Variants in CALHM5 observed in about 807,000 individuals in gnomAD.
CALHM5 encodes calcium homeostasis modulator protein 5.
Under a neutral mutation model 20.9 loss-of-function variants are expected in CALHM5, and 17 were observed. The observed-to-expected ratio is 0.82, with a 90% confidence interval of 0.56 to 1.22. CALHM5 has a LOEUF of 1.22. Ranked by LOEUF, CALHM5 falls within the 50% of genes most tolerant of loss-of-function variation. The pLI, the probability that CALHM5 is intolerant of heterozygous loss-of-function variation, is 0.00. For synonymous variants in CALHM5, 148 were observed against 140.0 expected (o/e 1.06, Z -0.40); for missense variants, 360 against 364.6 (o/e 0.99, Z 0.10).
chr6:116,512,326 T>C lies in CALHM5; in HGVS notation c.540+90T>C, dbSNP rs1002511331. On this transcript the variant is annotated intron_variant, in intron 1 of 1. Coordinates refer to ENST00000368599, the MANE Select transcript of CALHM5 (RefSeq NM_153711.5). ...TTCAGCCAGGGCTGTCTGTGTCCTG[T>C]CAGAATATTTTGAAACTAAATGGAA... The C allele has an allele frequency of 1.6e-5, 22 of 1,376,790 alleles. No individual in the cohort carries two copies. The African/African-American group carries it at 2.3e-4, about 15-fold the overall frequency. The allele number at this position is 1,376,790 out of a possible 1,614,324, so 85.3% of individuals were successfully genotyped here. A position where few individuals can be genotyped will look rare whatever the true frequency, so the allele number is the denominator to read the frequency against.
Position 116,516,169 on chromosome 6 carries a change from T to C in CALHM5, c.*180T>C, listed in dbSNP as rs1772221160. On this transcript the variant is annotated 3_prime_UTR_variant, in exon 2 of 2. Transcript: ENST00000368599. ...AGTGGAACATCAGGATGTGCTCAAA[T>C]TGATGCTGAGGGGTGACAAAGGTGC... 3 of 759,304 alleles carry C rather than the reference T, an allele frequency of 4.0e-6. No individual in the cohort carries two copies. The Admixed American group carries it at 1.1e-4, about 27-fold the overall frequency. The allele number at this position is 759,304 out of a possible 1,614,324, so 47.0% of individuals were successfully genotyped here.
rs202108807 is a variant in CALHM5, at chr6:116,515,782, C to G, written c.723C>G (p.Asn241Lys). 2 of 1,613,988 alleles carry G rather than the reference C, an allele frequency of 1.2e-6. No individual in the cohort carries two copies. Among genetic ancestry groups the G allele is most frequent in the Admixed American group, 1.7e-5 (1 of 59,958 alleles). The stretch of plus-strand genomic sequence containing the variant: ...ATGCCAACAAGCTGAGCGAGAGGAA[C>G]CTGAAATGTTTTTTTGAAAACAAGA... ...LDYANKLSER[N>K]LKCFFENKRP... The change falls in exon 2 of 2, where the codon AAC becomes AAG. Residue 241 changes from asparagine to lysine, a missense_variant. Transcript: ENST00000368599.
At chr6:116,515,495 G>A in intron 1 of CALHM5, 105 bp from the exon 2 acceptor site, 1 of 1,213,122 alleles carries the variant, frequency 8.2e-7, no homozygotes, top group Non-Finnish European at 1.2e-6. Context: ...AATGAGGTAT[G>A]TCAAAGACTG....
Position 116,517,163 on chromosome 6 carries a change from A to C in CALHM5, c.*1174A>C, listed in dbSNP as rs1408239729. The stretch of plus-strand genomic sequence containing the variant: ...CACCTTCATGACCCAATTACTTCTC[A>C]AGGCTCTGCTTCTTAGTACTATCAG... On this transcript the variant is annotated 3_prime_UTR_variant, in exon 2 of 2. Transcript: ENST00000368599. 1 of 152,060 alleles carries C rather than the reference A, an allele frequency of 6.6e-6. No individual in the cohort carries two copies. The highest frequency in any genetic ancestry group is 2.4e-5 in the African/African-American group (1 of 41,396). The allele number at this position is 152,060 out of a possible 1,614,324, so 9.4% of individuals were successfully genotyped here. A position where few individuals can be genotyped will look rare whatever the true frequency, so the allele number is the denominator to read the frequency against.
In CALHM5 at chr6:116,524,177, G is replaced by GAA. The variant is rs35989080; in HGVS notation, c.*8189_*8190insAA. The GAA allele has an allele frequency of 0.66, 100,782 of 151,870 alleles. 33,710 individuals carry two copies. Among genetic ancestry groups the GAA allele is most frequent in the East Asian group, 0.89 (4,631 of 5,186 alleles). The allele number at this position is 151,870 out of a possible 1,614,324, so 9.4% of individuals were successfully genotyped here. A position where few individuals can be genotyped will look rare whatever the true frequency, so the allele number is the denominator to read the frequency against. The stretch of plus-strand genomic sequence containing the variant: ...TTTCTTTAAAATACTCTAGAAAAAA[G>GAA]AGTTTAGGGAGAAAGCTGAAAGATG... On this transcript the variant is annotated 3_prime_UTR_variant, in exon 2 of 2. Coordinates refer to ENST00000368599, the MANE Select transcript of CALHM5 (RefSeq NM_153711.5).
In CALHM5 at chr6:116,524,025, G is replaced by A. The variant is rs1287490137; in HGVS notation, c.*8036G>A. 6.6e-6 allele frequency: 1 copy of A among 152,276 alleles called. No homozygotes were observed. The highest frequency in any genetic ancestry group is 2.4e-5 in the African/African-American group (1 of 41,562). 9.4% of individuals were successfully genotyped at this position (152,276 alleles called of 1,614,324 possible). ...AGGAAAATATGAATGAATATTAGAT[G>A]ATTTTTAGAGAATTATTAATTTTGC... On this transcript the variant is annotated 3_prime_UTR_variant, in exon 2 of 2. Coordinates refer to ENST00000368599, the MANE Select transcript of CALHM5 (RefSeq NM_153711.5).
rs766912247 is a variant in CALHM5, at chr6:116,511,850, C to A, written c.154C>A (p.Leu52Met). 1.2e-6 allele frequency: 2 copies of A among 1,613,952 alleles called. No homozygotes were observed. Among genetic ancestry groups the A allele is most frequent in the East Asian group, 4.5e-5 (2 of 44,896 alleles). The change falls in exon 1 of 2, where the codon CTG becomes ATG. Residue 52 changes from leucine (L) to methionine (M), a missense_variant. By Grantham distance (15) the Leu-to-Met change is conservative. Coordinates refer to ENST00000368599, the MANE Select transcript of CALHM5 (RefSeq NM_153711.5). ...CAGCACTGAGAATATGACCTATGGG[C>A]TGGTTTTCCTCTTTGCTCCTGCCTG... Reference protein sequence around the residue: ...PCSTENMTYGLVFLFAPAWVL... With the variant: ...PCSTENMTYGMVFLFAPAWVL...
In CALHM5 at chr6:116,520,072, T is replaced by A. The variant is rs960023842; in HGVS notation, c.*4083T>A. On this transcript the variant is annotated 3_prime_UTR_variant, in exon 2 of 2. Coordinates refer to ENST00000368599, the MANE Select transcript of CALHM5 (RefSeq NM_153711.5). ...TGTGTCCAAAGCAACTTTTAAAATTTTTGTATGGTTTTCTACTTGAGACCT... is the reference window on the plus strand; with the variant it reads ...TGTGTCCAAAGCAACTTTTAAAATTATTGTATGGTTTTCTACTTGAGACCT... 6.6e-6 allele frequency: 1 copy of A among 152,186 alleles called. No individual in the cohort carries two copies. The highest frequency in any genetic ancestry group is 1.5e-5 in the Non-Finnish European group (1 of 68,028). 9.4% of individuals were successfully genotyped at this position (152,186 alleles called of 1,614,324 possible).
Position 116,516,130 on chromosome 6 carries a change from C to T in CALHM5, c.*141C>T. ...CAAGACAATAACACAAAGGAAACTG[C>T]TTTGAAGCTCTCAAGTGGAACATCA... On this transcript the variant is annotated 3_prime_UTR_variant, in exon 2 of 2. Transcript: ENST00000368599. 2 of 1,127,116 alleles carry T rather than the reference C, an allele frequency of 1.8e-6. No individual in the cohort carries two copies. Among genetic ancestry groups the T allele is most frequent in the Non-Finnish European group, 2.4e-6 (2 of 832,436 alleles). 69.8% of individuals were successfully genotyped at this position (1,127,116 alleles called of 1,614,324 possible).
At chr6:116,515,508 G>T in intron 1 of CALHM5, 92 bp from the exon 2 acceptor site, 1 of 1,301,440 alleles carries the variant, frequency 7.7e-7, no homozygotes, top group Non-Finnish European at 1.1e-6. Context: ...AAAGACTGTG[G>T]TAATAATTTA....
At position 116,516,708 on chromosome 6, in the gene CALHM5, T is replaced by TATACAC. The variant is rs1198977627; in HGVS notation, c.*720_*721insTACACA. ...ATATATATATATATATATATATATA[T>TATACAC]ACACACACACAGAAATATATATTTA... On this transcript the variant is annotated 3_prime_UTR_variant, in exon 2 of 2. Transcript: ENST00000368599. 3 of 119,644 alleles carry TATACAC rather than the reference T, an allele frequency of 2.5e-5. No homozygotes were observed. The highest frequency in any genetic ancestry group is 5.1e-5 in the Non-Finnish European group (3 of 58,744). 7.4% of individuals were successfully genotyped at this position (119,644 alleles called of 1,614,324 possible). A position where few individuals can be genotyped will look rare whatever the true frequency, so the allele number is the denominator to read the frequency against.
chr6:116,520,103 G>A lies in CALHM5; in HGVS notation c.*4114G>A, dbSNP rs1419465514. 1.3e-5 allele frequency: 2 copies of A among 152,044 alleles called. No homozygotes were observed. Among genetic ancestry groups the A allele is most frequent in the African/African-American group, 2.4e-5 (1 of 41,394 alleles). The allele number at this position is 152,044 out of a possible 1,614,324, so 9.4% of individuals were successfully genotyped here. A position where few individuals can be genotyped will look rare whatever the true frequency, so the allele number is the denominator to read the frequency against. On this transcript the variant is annotated 3_prime_UTR_variant, in exon 2 of 2. Coordinates refer to ENST00000368599, the MANE Select transcript of CALHM5 (RefSeq NM_153711.5). ...TGGTTTTCTACTTGAGACCTTTAAA[G>A]CATCACTAAAAATGTATACATTTAA...
At position 116,512,147 on chromosome 6, in the gene CALHM5, G is replaced by A; in HGVS notation, c.451G>A (p.Glu151Lys). Residue 151 changes from glutamate to lysine, a missense_variant, in exon 1 of 2, where the codon GAA becomes AAA. Coordinates refer to ENST00000368599, the MANE Select transcript of CALHM5 (RefSeq NM_153711.5). ...ICKGKPKECW[E>K]ELHKVSCGKT... Reference sequence around the variant, plus strand: ...CAAGGGTAAGCCCAAAGAGTGCTGGGAAGAACTTCACAAAGTATCTTGTGG... The same window carrying A: ...CAAGGGTAAGCCCAAAGAGTGCTGGAAAGAACTTCACAAAGTATCTTGTGG... The A allele has an allele frequency of 6.2e-7, 1 of 1,613,540 alleles. No individual in the cohort carries two copies. The highest frequency in any genetic ancestry group is 8.5e-7 in the Non-Finnish European group (1 of 1,179,962).
At position 116,519,772 on chromosome 6, in the gene CALHM5, A is replaced by C. The variant is rs1180855230; in HGVS notation, c.*3783A>C. The C allele has an allele frequency of 1.3e-5, 2 of 152,204 alleles. No individual in the cohort carries two copies. Among genetic ancestry groups the C allele is most frequent in the Non-Finnish European group, 2.9e-5 (2 of 68,036 alleles). The allele number at this position is 152,204 out of a possible 1,614,324, so 9.4% of individuals were successfully genotyped here. A position where few individuals can be genotyped will look rare whatever the true frequency, so the allele number is the denominator to read the frequency against. On this transcript the variant is annotated 3_prime_UTR_variant, in exon 2 of 2. Transcript: ENST00000368599. The stretch of plus-strand genomic sequence containing the variant: ...ATACAAGGAATATACTCAAGGAAAA[A>C]TTTCATGGCACAAAATGCTGATTCT...
intron 1 of CALHM5, 77 bp from the exon 2 acceptor site, chr6:116,515,523 T>A: frequency 7.0e-7 from 1 of 1,432,346 alleles, no homozygotes; most frequent in Non-Finnish European, 9.5e-7. Context: ...AATTTAGCTA[T>A]ACACTTCTCA....
In CALHM5 at chr6:116,516,660, A is replaced by AATAT. The variant is rs57050552; in HGVS notation, c.*717_*720dup. ...TCCTACATTCAAAATAGTAGTAACAAATATATATATATATATATATATATA... is the reference window on the plus strand; with the variant it reads ...TCCTACATTCAAAATAGTAGTAACAAATATATATATATATATATATATATATATA... On this transcript the variant is annotated 3_prime_UTR_variant, in exon 2 of 2. Transcript: ENST00000368599. 2.3e-3 allele frequency: 238 copies of AATAT among 104,182 alleles called. 1 individual carries two copies. Among genetic ancestry groups the AATAT allele is most frequent in the Non-Finnish European group, 3.0e-3 (158 of 53,402 alleles). The allele number at this position is 104,182 out of a possible 1,614,324, so 6.5% of individuals were successfully genotyped here.
At chr6:116,512,732 A>G (rs1271628665) in intron 1 of CALHM5, among the ~76,000 whole-genome samples, 1 of 152,234 alleles carries the variant, frequency 6.6e-6, no homozygotes, top group East Asian at 1.9e-4. Flanking sequence ...ATTCTCTTGA[A>G]TGATTTCTGG....
Position 116,512,198 on chromosome 6 carries a change from A to C in CALHM5, c.502A>C (p.Asn168His), listed in dbSNP as rs762735119. The C allele has an allele frequency of 1.9e-6, 3 of 1,606,958 alleles. No homozygotes were observed. Among genetic ancestry groups the C allele is most frequent in the Non-Finnish European group, 2.5e-6 (3 of 1,179,566 alleles). ...CAAAACTAGCATGCTACCTACCGTC[A>C]ATGAAGAACTGAAACTCTCCCTTCA... ...CGKTSMLPTV[N>H]EELKLSLQAQ... The change falls in exon 1 of 2, where the codon AAT becomes CAT. Residue 168 changes from asparagine (N) to histidine (H), a missense_variant. Asn to His is a moderately conservative substitution (Grantham distance 68). Transcript: ENST00000368599.
intron 1 of CALHM5, among the ~76,000 whole-genome samples, chr6:116,513,816 G>A (rs553256958): frequency 2.6e-4 from 40 of 152,320 alleles, no homozygotes; most frequent in Non-Finnish European, 4.6e-4. Flanking sequence ...TATTCTTAAG[G>A]AAGATAGAAT....
Sources: gnomAD v4.1 joint callset for allele counts (sites outside exome capture counted in the v4.1 genomes callset) on GRCh38, gnomAD v4.1.1 for gene constraint, MANE v1.5 for transcripts, NCBI Gene and HGNC (gene_info 2026-07-23, HGNC 2026-07-21) for gene names.